GPLD1: variants seen among roughly 807,000 people sequenced by gnomAD.
GPLD1 encodes the protein phosphatidylinositol-glycan-specific phospholipase D.
Under a neutral mutation model 112.6 loss-of-function variants are expected in GPLD1, and 84 were observed. That is an observed-to-expected ratio of 0.75 (90% CI 0.63 to 0.89). GPLD1 has a LOEUF of 0.89. GPLD1 is among the 40% of genes least tolerant of loss of function. The pLI, the probability that GPLD1 is intolerant of heterozygous loss-of-function variation, is 0.00. For synonymous variants in GPLD1, 386 were observed against 403.8 expected, an observed-to-expected ratio of 0.96 and a Z score of 0.53; for missense variants, 1,044 against 1,051.5, an observed-to-expected ratio of 0.99 and a Z score of 0.10.
At chr6:24,483,566 C>A (rs1764272699) in intron 2 of GPLD1, among the ~76,000 whole-genome samples, 1 of 151,730 alleles carries the variant, frequency 6.6e-6, no homozygotes, top group African/African-American at 2.4e-5. Context: ...GTATTCCCAG[C>A]TACCAGGAGG....
chr6:24,453,373 C>T (rs1304755603), intron 14 of GPLD1, among the ~76,000 whole-genome samples: 13 of 152,324 alleles, frequency 8.5e-5, no homozygotes, highest in East Asian at 5.8e-4. Flanking sequence ...CAGTGGCTCA[C>T]GCCTGTAATC....
chr6:24,485,592 C>G (rs1247217026), intron 2 of GPLD1, among the ~76,000 whole-genome samples: 1 of 151,676 alleles, frequency 6.6e-6, no homozygotes, highest in Non-Finnish European at 1.5e-5. Flanking sequence ...AGACATATAC[C>G]TTTTAACCAT....
chr6:24,488,385 A>C (rs1033271731), intron 1 of GPLD1, among the ~76,000 whole-genome samples: 2 of 151,000 alleles, frequency 1.3e-5, no homozygotes, highest in African/African-American at 4.9e-5. Context: ...GCACTCCAGC[A>C]TGGCGGACAG....
downstream of GPLD1, chr6:24,425,314 A>G (rs1158485136): frequency 6.6e-6 from 1 of 152,234 alleles, no homozygotes; most frequent in Non-Finnish European, 1.5e-5. Context: ...GATCAGGCAT[A>G]AGATAGAATT....
intron 17 of GPLD1, among the ~76,000 whole-genome samples, chr6:24,447,532 A>T (rs1762947580): frequency 6.6e-6 from 1 of 151,536 alleles, no homozygotes; most frequent in South Asian, 2.1e-4. Context: ...AAGAAAAAAC[A>T]ACAATAACAA....
At chr6:24,474,206 C>CACACACACACATAT (rs1386205113) in intron 5 of GPLD1, among the ~76,000 whole-genome samples, 46 of 120,856 alleles carry the variant, frequency 3.8e-4, no homozygotes, top group African/African-American at 1.0e-3. Flanking sequence ...CACACACACA[C>CACACACACACATAT]ATATATATGC....
At chr6:24,433,481 C>G in intron 22 of GPLD1, 92 bp from the exon 23 acceptor site, 1 of 533,214 alleles carries the variant, frequency 1.9e-6, no homozygotes, top group Non-Finnish European at 3.0e-6. Context: ...ACCCTCATTT[C>G]TACTTTTTTT....
chr6:24,434,147 C>T (rs1193482891), intron 22 of GPLD1, among the ~76,000 whole-genome samples: 1 of 152,054 alleles, frequency 6.6e-6, no homozygotes, highest in South Asian at 2.1e-4. Context: ...CCTATAATCC[C>T]AGCACTTTGG....
intron 2 of GPLD1, among the ~76,000 whole-genome samples, chr6:24,482,228 G>A (rs1040371707): frequency 1.1e-4 from 16 of 151,218 alleles, no homozygotes; most frequent in African/African-American, 3.6e-4. Flanking sequence ...GGCCTTCTGA[G>A]TAGCTGGGAT....
chr6:24,468,265 C>A (rs1037898993), intron 7 of GPLD1, among the ~76,000 whole-genome samples: 4 of 152,204 alleles, frequency 2.6e-5, no homozygotes, highest in African/African-American at 9.7e-5. Flanking sequence ...ACCTCCCTCA[C>A]AATTTGCCCA....
chr6:24,443,147 T>C (rs1174001856), intron 20 of GPLD1, among the ~76,000 whole-genome samples: 2 of 152,140 alleles, frequency 1.3e-5, no homozygotes, highest in Non-Finnish European at 2.9e-5. Context: ...GAGAGCGTCA[T>C]TACAAGACTG....
intron 3 of GPLD1, among the ~76,000 whole-genome samples, chr6:24,478,124 C>G (rs1764083115): frequency 1.3e-5 from 2 of 152,116 alleles, no homozygotes; most frequent in African/African-American, 4.8e-5. Context: ...CAATGTTGCT[C>G]AAATTGAATG....
In GPLD1 at chr6:24,445,830, G is replaced by A. The variant is rs1263677841; in HGVS notation, c.1822C>T (p.Leu608=). ...TCTCGGATGTGTAACAAATGGCCCA[G>A]CCTAGAATGAAGCACACTGGGCTTA... ...GSPTWKNASR[L]GHLLHIRDEK... Residue 608 remains leucine, a splice_region_variant and synonymous_variant, in exon 19 of 25, where the codon CTG becomes TTG. Coordinates refer to ENST00000230036, the MANE Select transcript of GPLD1 (RefSeq NM_001503.4). 2 of 1,607,844 alleles carry A rather than the reference G, an allele frequency of 1.2e-6. No individual in the cohort carries two copies. The highest frequency in any genetic ancestry group is 3.3e-5 in the Admixed American group (2 of 59,946).
rs1749776435 is a variant in GPLD1, at chr6:24,473,637, GAGCCTCTGAA to G, written c.462_471del (p.Ser155IlefsTer11). On this transcript the variant is annotated frameshift_variant, in exon 6 of 25. Coordinates refer to ENST00000230036, the MANE Select transcript of GPLD1 (RefSeq NM_001503.4). LOFTEE classifies it high-confidence loss of function. ...ACAGTACCAAAATCACCAGCCGAATGAGCCTCTGAATAGGAGCCGTGAAAATCAATCTAAG... is the reference window on the plus strand; with the variant it reads ...ACAGTACCAAAATCACCAGCCGAATGTAGGAGCCGTGAAAATCAATCTAAG... 6.2e-7 allele frequency: 1 copy of G among 1,608,742 alleles called. No homozygotes were observed. Among genetic ancestry groups the G allele is most frequent in the South Asian group, 1.1e-5 (1 of 90,926 alleles).
At chr6:24,461,770 C>T (rs903980866) in intron 11 of GPLD1, among the ~76,000 whole-genome samples, 1 of 152,198 alleles carries the variant, frequency 6.6e-6, no homozygotes, top group African/African-American at 2.4e-5. Flanking sequence ...AGGCCATATA[C>T]CTGAGAGCAG....
intron 7 of GPLD1, among the ~76,000 whole-genome samples, chr6:24,471,969 A>T (rs1763839452): frequency 6.6e-6 from 1 of 151,414 alleles, no homozygotes; most frequent in Admixed American, 6.6e-5. Context: ...ATATTAACAA[A>T]TCCTGTTTGT....
In GPLD1 at chr6:24,466,940, C is replaced by G; in HGVS notation, c.654-1G>C. On this transcript the variant is annotated splice_acceptor_variant, in intron 8 of 24. Coordinates refer to ENST00000230036, the MANE Select transcript of GPLD1 (RefSeq NM_001503.4). LOFTEE classifies it high-confidence loss of function. Reference sequence around the variant, plus strand: ...GGAAACAGCTAGCATCTCACCATACCTGCAAAATAAACAATAATTTTGGCT... The same window carrying G: ...GGAAACAGCTAGCATCTCACCATACGTGCAAAATAAACAATAATTTTGGCT... The G allele has an allele frequency of 6.2e-7, 1 of 1,610,072 alleles. No individual in the cohort carries two copies. The highest frequency in any genetic ancestry group is 8.5e-7 in the Non-Finnish European group (1 of 1,176,426).
chr6:24,439,511 AAAG>A (rs1225951409), intron 20 of GPLD1, among the ~76,000 whole-genome samples: 5 of 152,240 alleles, frequency 3.3e-5, no homozygotes, highest in Admixed American at 2.0e-4. Flanking sequence ...ACAGTCTGTT[AAAG>A]AAGAGAAGCA....
At chr6:24,451,846 C>A (rs373529227) in intron 14 of GPLD1, among the ~76,000 whole-genome samples, 13 of 152,294 alleles carry the variant, frequency 8.5e-5, no homozygotes, top group African/African-American at 3.1e-4. Context: ...ACACAAAACA[C>A]GCTAGGGCAG....
Sources: gnomAD v4.1 joint callset for allele counts (sites outside exome capture counted in the v4.1 genomes callset) on GRCh38, gnomAD v4.1.1 for gene constraint, MANE v1.5 for transcripts, NCBI Gene and HGNC (gene_info 2026-07-23, HGNC 2026-07-21) for gene names.